GRIK1: variants seen among roughly 807,000 people sequenced by gnomAD.
GRIK1 encodes glutamate ionotropic receptor kainate type subunit 1, also known as glutamate receptor ionotropic, kainate 1.
Under a neutral mutation model 105.7 loss-of-function variants are expected in GRIK1, and 69 were observed. The ratio of observed to expected loss-of-function variants is 0.65; its 90% CI spans 0.54 to 0.80. The LOEUF is 0.80. Ranked by LOEUF, GRIK1 falls within the 30% of genes least tolerant of loss-of-function variation. The pLI, the probability that GRIK1 is intolerant of heterozygous loss-of-function variation, is 0.00. For synonymous variants in GRIK1, 438 were observed against 431.3 expected (o/e 1.02, Z -0.19); for missense variants, 1,109 against 1,167.3 (o/e 0.95, Z 0.73).
In GRIK1 at chr21:29,547,642, G is replaced by A. The variant is rs1034894557; in HGVS notation, c.2607+7410C>T. ...GGGCCATGCCCATCGTTCAGAGTTCGTTTGGTTGATAAGACAACATCAACT... is the reference window on the plus strand; with the variant it reads ...GGGCCATGCCCATCGTTCAGAGTTCATTTGGTTGATAAGACAACATCAACT... On this transcript the variant is annotated intron_variant, in intron 16 of 17. Transcript: ENST00000327783. Among the ~76,000 whole-genome samples, 9 of 152,214 alleles carry A rather than the reference G, an allele frequency of 5.9e-5. No homozygotes were observed. In the East Asian group the frequency reaches 9.6e-4, roughly 16 times the overall value.
At chr21:29,776,320 C>T (rs2065943350) in intron 1 of GRIK1, among the ~76,000 whole-genome samples, 1 of 152,132 alleles carries the variant, frequency 6.6e-6, no homozygotes, top group Non-Finnish European at 1.5e-5. Flanking sequence ...GTAGCTGAAA[C>T]CTTAACATAC....
At chr21:29,849,833 A>T (rs1390467764) in intron 1 of GRIK1, among the ~76,000 whole-genome samples, 1 of 152,206 alleles carries the variant, frequency 6.6e-6, no homozygotes, top group East Asian at 1.9e-4. Context: ...GGTGGAAGCT[A>T]GCATAAAGAT....
chr21:29,793,655 C>T (rs531309677), intron 1 of GRIK1, among the ~76,000 whole-genome samples: 69 of 152,210 alleles, frequency 4.5e-4, no homozygotes, highest in African/African-American at 1.4e-3. Context: ...TGACCATCAC[C>T]GGCTAGCTAA....
chr21:29,898,054 C>T (rs1382989319), intron 1 of GRIK1, among the ~76,000 whole-genome samples: 1 of 152,188 alleles, frequency 6.6e-6, no homozygotes, highest in Non-Finnish European at 1.5e-5. Context: ...TCTTTAGCTT[C>T]TTCGCCTACT....
At chr21:29,662,380 A>G (rs1036948049) in intron 4 of GRIK1, among the ~76,000 whole-genome samples, 2 of 152,236 alleles carry the variant, frequency 1.3e-5, no homozygotes, top group Admixed American at 6.5e-5. Flanking sequence ...ACATGAAACT[A>G]AAAAATAACC....
intron 7 of GRIK1, among the ~76,000 whole-genome samples, chr21:29,604,337 C>A (rs2061573221): frequency 6.6e-6 from 1 of 152,148 alleles, no homozygotes. Context: ...ATATCTTTGA[C>A]CTTCAACGTC....
In GRIK1 at chr21:29,654,791, T is replaced by C. The variant is rs1374585178; in HGVS notation, c.780+19A>G. On this transcript the variant is annotated intron_variant, in intron 5 of 17. Transcript: ENST00000327783. ...ACGTTTCCTACCATGTGGAATACAT[T>C]TCTCCCAGATGCACTTACCAGGGTT... 17 of 1,424,370 alleles carry C rather than the reference T, an allele frequency of 1.2e-5. No homozygotes were observed. In the East Asian group the frequency reaches 3.6e-4, roughly 30 times the overall value. 88.2% of individuals were successfully genotyped at this position (1,424,370 alleles called of 1,614,324 possible).
intron 1 of GRIK1, among the ~76,000 whole-genome samples, chr21:29,823,927 G>C (rs1252213941): frequency 2.6e-5 from 4 of 151,864 alleles, no homozygotes; most frequent in African/African-American, 9.7e-5. Context: ...AGTATTTTTA[G>C]TTTAATGGGA....
intron 4 of GRIK1, among the ~76,000 whole-genome samples, chr21:29,664,647 G>C (rs1333295363): frequency 6.6e-6 from 1 of 152,116 alleles, no homozygotes; most frequent in Non-Finnish European, 1.5e-5. Flanking sequence ...AATTTGGCTG[G>C]ATAAATGATG....
chr21:29,564,735 GACTC>G (rs946744082), intron 14 of GRIK1, among the ~76,000 whole-genome samples: 7 of 152,178 alleles, frequency 4.6e-5, no homozygotes, highest in African/African-American at 1.7e-4. Flanking sequence ...TACCACCTGT[GACTC>G]ACTCTGTGAG....
intron 1 of GRIK1, among the ~76,000 whole-genome samples, chr21:29,882,659 G>A (rs577597288): frequency 1.3e-5 from 2 of 152,104 alleles, no homozygotes; most frequent in Non-Finnish European, 2.9e-5. Flanking sequence ...TCACAGAACC[G>A]AAATGAGGGT....
intron 1 of GRIK1, chr21:29,759,020 T>A (rs2065432611): frequency 6.5e-6 from 1 of 153,238 alleles, no homozygotes; most frequent in Non-Finnish European, 1.5e-5. Flanking sequence ...GGTAGGTAAG[T>A]CCCGATTAAG....
chr21:29,876,209 T>A (rs1015106142), intron 1 of GRIK1, among the ~76,000 whole-genome samples: 1 of 151,990 alleles, frequency 6.6e-6, no homozygotes, highest in Non-Finnish European at 1.5e-5. Context: ...CTAGTTTTTT[T>A]AATATAAAAA....
intron 15 of GRIK1, among the ~76,000 whole-genome samples, chr21:29,560,364 T>TCTCTTTCTTTCTTC (rs2090394693): frequency 2.8e-5 from 1 of 35,886 alleles, no homozygotes; most frequent in African/African-American, 1.3e-4. Flanking sequence ...TCTTTTTCTT[T>TCTCTTTCTTTCTTC]CTTCCTTCCT....
intron 1 of GRIK1, among the ~76,000 whole-genome samples, chr21:29,727,173 G>A (rs2064490732): frequency 6.6e-6 from 1 of 152,088 alleles, no homozygotes; most frequent in African/African-American, 2.4e-5. Context: ...TGATCCATCT[G>A]CCTCAGCCTT....
chr21:29,837,662 A>C (rs2067845930), intron 1 of GRIK1, among the ~76,000 whole-genome samples: 2 of 152,248 alleles, frequency 1.3e-5, no homozygotes, highest in Non-Finnish European at 2.9e-5. Context: ...TAAATATTTT[A>C]GAATATATGA....
At chr21:29,795,118 C>A (rs564792718) in intron 1 of GRIK1, among the ~76,000 whole-genome samples, 2 of 145,944 alleles carry the variant, frequency 1.4e-5, no homozygotes, top group African/African-American at 5.1e-5. Context: ...TCACTGCAAC[C>A]TCTGCCTCCC....
chr21:29,773,457 A>C (rs962366030), intron 1 of GRIK1, among the ~76,000 whole-genome samples: 1 of 152,136 alleles, frequency 6.6e-6, no homozygotes, highest in Non-Finnish European at 1.5e-5. Flanking sequence ...TACTGGAGCC[A>C]TGTGGGCAAT....
intron 15 of GRIK1, among the ~76,000 whole-genome samples, chr21:29,557,084 T>A (rs952133668): frequency 1.3e-5 from 2 of 152,194 alleles, no homozygotes; most frequent in African/African-American, 4.8e-5. Context: ...AACATCTACC[T>A]GTAGACATAG....
Sources: allele counts gnomAD v4.1 joint callset (sites outside exome capture counted in the v4.1 genomes callset), GRCh38; gene constraint gnomAD v4.1.1; transcripts MANE v1.5; gene names NCBI Gene and HGNC (gene_info 2026-07-23, HGNC 2026-07-21).